The following HYDIN variants were observed in gnomAD, a reference collection of about 807,000 sequenced individuals.
The protein encoded by HYDIN is HYDIN axonemal central pair apparatus protein.
A neutral mutation model predicts 403.9 loss-of-function variants in HYDIN; 132 were observed. The observed-to-expected ratio is 0.33, with a 90% CI of 0.28 to 0.38. HYDIN has a LOEUF of 0.38. HYDIN is among the 10% of genes least tolerant of loss of function. The pLI, the probability that HYDIN is intolerant of heterozygous loss-of-function variation, is 1.00. For synonymous variants in HYDIN, 1,202 were observed against 1,891.7 expected (o/e 0.64, Z 9.46); for missense variants, 2,827 against 5,009.5 (o/e 0.56, Z 13.15).
chr16:70,943,873 C>G lies in HYDIN; in HGVS notation c.6608G>C (p.Gly2203Ala). 2 of 1,613,764 alleles carry G rather than the reference C, an allele frequency of 1.2e-6. No homozygotes were observed. Among genetic ancestry groups the G allele is most frequent in the Non-Finnish European group, 8.5e-7 (1 of 1,180,014 alleles). Reference sequence around the variant, plus strand: ...ATCCGGGAGCACACAGCTCATCAGCCCGGTCTCGCCTCCGACACTGGGACT... The same window carrying G: ...ATCCGGGAGCACACAGCTCATCAGCGCGGTCTCGCCTCCGACACTGGGACT... ...SVSPSVGGET[G>A]LMSCVLPDEL... Residue 2203 changes from glycine (G) to alanine (A), a missense_variant, in exon 42 of 86, where the codon GGG (glycine) becomes GCG (alanine). Transcript: ENST00000393567.
chr16:71,108,166 T>C (rs1597795021), intron 10 of HYDIN, among the ~76,000 whole-genome samples: 1 of 151,978 alleles, frequency 6.6e-6, no homozygotes, highest in African/African-American at 2.4e-5. Context: ...TGGGGCCTAG[T>C]GGAGGGCGGA....
intron 9 of HYDIN, among the ~76,000 whole-genome samples, chr16:71,122,108 A>G (rs991316798): frequency 6.6e-6 from 1 of 151,852 alleles, no homozygotes; most frequent in African/African-American, 2.4e-5. Flanking sequence ...CTCCAACCCA[A>G]ATACAGTGAA....
chr16:71,130,798 T>C (rs1341413058), intron 8 of HYDIN, among the ~76,000 whole-genome samples: 1 of 147,890 alleles, frequency 6.8e-6, no homozygotes, highest in Non-Finnish European at 1.5e-5. Context: ...TATATACCGG[T>C]TTTCTCCCCC....
chr16:70,887,062 C>T (rs1163589084), intron 58 of HYDIN, among the ~76,000 whole-genome samples: 1 of 152,158 alleles, frequency 6.6e-6, no homozygotes, highest in Non-Finnish European at 1.5e-5. Flanking sequence ...TGTTATGGTT[C>T]CACAGATCCC....
chr16:70,859,152 T>C (rs1181979869), intron 71 of HYDIN, among the ~76,000 whole-genome samples: 3 of 151,672 alleles, frequency 2.0e-5, no homozygotes, highest in African/African-American at 7.3e-5. Context: ...ATACAAAAAA[T>C]TAGCTGGGCG....
At position 70,920,789 on chromosome 16, in the gene HYDIN, C is replaced by T. The variant is rs1191283565; in HGVS notation, c.7587G>A (p.Glu2529=). ...TCTCCAGGCGCTCCCGCTCCGCCTT[C>T]TCCCTCTCCAGGCGCTCCTTCTCCG... ...ERTEKERLER[E]KAERERLEKL... Residue 2529 remains glutamate, a synonymous_variant, in exon 46 of 86, where the codon GAG becomes GAA. Transcript: ENST00000393567. 6.4e-7 allele frequency: 1 copy of T among 1,560,654 alleles called. No homozygotes were observed. The highest frequency in any genetic ancestry group is 8.7e-7 in the Non-Finnish European group (1 of 1,151,582).
At position 71,055,731 on chromosome 16, in the gene HYDIN, G is replaced by T. The variant is rs573127238; in HGVS notation, c.2529+4773C>A. 9.2e-5 allele frequency among the ~76,000 whole-genome samples: 14 copies of T among 152,062 alleles called. No individual in the cohort carries two copies. The East Asian group carries it at 2.7e-3, about 29-fold the overall frequency. ...CTCATTACAATGGCCTTTCTCTGCA[G>T]ATCACGGAGGCAGAAGGCCACTACA... On this transcript the variant is annotated intron_variant, in intron 18 of 85. Coordinates refer to ENST00000393567, the MANE Select transcript of HYDIN (RefSeq NM_001270974.2).
At chr16:70,961,218 A>G (rs750598143) in intron 38 of HYDIN, among the ~76,000 whole-genome samples, 11 of 152,190 alleles carry the variant, frequency 7.2e-5, no homozygotes, top group Non-Finnish European at 1.6e-4. Flanking sequence ...CGGAGAGACC[A>G]GGAACCACTT....
chr16:70,809,236 T>C (rs929071018), intron 85 of HYDIN, among the ~76,000 whole-genome samples: 1 of 152,204 alleles, frequency 6.6e-6, no homozygotes, highest in Non-Finnish European at 1.5e-5. Context: ...TTTTAGTAGT[T>C]GAACCTATAT....
chr16:71,221,565 GA>G (rs2089203083), intron 1 of HYDIN, among the ~76,000 whole-genome samples: 1 of 151,818 alleles, frequency 6.6e-6, no homozygotes, highest in African/African-American at 2.4e-5. Context: ...AAGAGAGTGG[GA>G]AAAGCACCCT....
Position 70,834,040 on chromosome 16 carries a change from A to T in HYDIN, c.13526T>A (p.Met4509Lys). ...GAGGAAGAGGGGGCGCAGGAGCCCCATGCATTCCATGAACACTTCCTCAGA... is the reference window on the plus strand; with the variant it reads ...GAGGAAGAGGGGGCGCAGGAGCCCCTTGCATTCCATGAACACTTCCTCAGA... Reference protein sequence around the residue: ...PFSEEVFMECMGLLRPLFLLS... With the variant: ...PFSEEVFMECKGLLRPLFLLS... Residue 4509 changes from methionine (M) to lysine (K), a missense_variant, in exon 79 of 86, where the codon ATG becomes AAG. Transcript: ENST00000393567. 6.3e-7 allele frequency: 1 copy of T among 1,598,726 alleles called. No individual in the cohort carries two copies. Among genetic ancestry groups the T allele is most frequent in the Non-Finnish European group, 8.6e-7 (1 of 1,167,344 alleles).
At chr16:70,925,399 G>C (rs1310005995) in intron 45 of HYDIN, among the ~76,000 whole-genome samples, 1 of 152,216 alleles carries the variant, frequency 6.6e-6, no homozygotes, top group African/African-American at 2.4e-5. Context: ...TTTCCCCATT[G>C]CTTGTTTTTC....
chr16:71,227,787 A>C (rs888091471), intron 1 of HYDIN, among the ~76,000 whole-genome samples: 44 of 152,298 alleles, frequency 2.9e-4, no homozygotes, highest in African/African-American at 6.3e-4. Context: ...CAATGACTTT[A>C]TTCACAGAAT....
At chr16:71,172,641 T>C (rs1473901182) in intron 5 of HYDIN, among the ~76,000 whole-genome samples, 1 of 152,182 alleles carries the variant, frequency 6.6e-6, no homozygotes, top group Non-Finnish European at 1.5e-5. Flanking sequence ...TAATAGATGA[T>C]GGGCGGGAGG....
chr16:70,927,538 C>T (rs1416161468), intron 45 of HYDIN, among the ~76,000 whole-genome samples: 1 of 151,692 alleles, frequency 6.6e-6, no homozygotes, highest in Non-Finnish European at 1.5e-5. Flanking sequence ...TGGGCTGCTA[C>T]TCTCTGCCTA....
At chr16:70,886,237 A>G (rs917731898) in intron 58 of HYDIN, among the ~76,000 whole-genome samples, 3 of 151,830 alleles carry the variant, frequency 2.0e-5, no homozygotes, top group Non-Finnish European at 4.4e-5. Flanking sequence ...ATCCATGTAC[A>G]TGCACCTCAG....
intron 1 of HYDIN, among the ~76,000 whole-genome samples, chr16:71,224,450 T>C (rs1252668879): frequency 6.6e-6 from 1 of 152,192 alleles, no homozygotes; most frequent in African/African-American, 2.4e-5. Context: ...TATAAAATTA[T>C]TTAAAAAGAG....
intron 45 of HYDIN, among the ~76,000 whole-genome samples, chr16:70,928,120 T>C (rs571324155): frequency 7.2e-4 from 109 of 152,120 alleles, no homozygotes; most frequent in Non-Finnish European, 1.4e-3. Context: ...TAAATGCAAA[T>C]TGATTGTTTT....
chr16:71,127,730 C>G (rs111735846), intron 9 of HYDIN, among the ~76,000 whole-genome samples: 1 of 152,138 alleles, frequency 6.6e-6, no homozygotes, highest in Non-Finnish European at 1.5e-5. Flanking sequence ...AGTCTTGGAC[C>G]GCATGAACCT....
Sources: allele counts gnomAD v4.1 joint callset (sites outside exome capture counted in the v4.1 genomes callset), GRCh38; gene constraint gnomAD v4.1.1; transcripts MANE v1.5; gene names NCBI Gene and HGNC (gene_info 2026-07-23, HGNC 2026-07-21).